CPNE8: variants seen among roughly 807,000 people sequenced by gnomAD.
The protein encoded by CPNE8 is copine-8.
In CPNE8, 45 loss-of-function variants were observed where a neutral mutation model predicts 81.5. The observed-to-expected ratio is 0.55, with a 90% CI of 0.44 to 0.71. CPNE8 has a LOEUF of 0.71. Among genes scored for constraint, CPNE8 ranks in the 30% least tolerant of loss-of-function variants. The pLI is 0.00. For synonymous variants in CPNE8, 252 were observed against 226.3 expected, an observed-to-expected ratio of 1.11 and a Z score of -1.02; for missense variants, 594 against 672.1, an observed-to-expected ratio of 0.88 and a Z score of 1.28.
In CPNE8 at chr12:38,653,969, G is replaced by A; in HGVS notation, c.1608C>T (p.Leu536=). ...DVLAEIPEQF[L]SYMRARGIKP... ...TGATTCCTCGGGCTCTCATATAGGA[G>A]AGAAACTGCTCAGGGATCTCAGCTA... is the stretch of plus-strand genomic sequence containing the variant. Residue 536 remains leucine, a synonymous_variant, in exon 20 of 20, where the codon CTC becomes CTT. Coordinates refer to ENST00000331366, the MANE Select transcript of CPNE8 (RefSeq NM_153634.3). 1 of 1,613,754 alleles carries A rather than the reference G, an allele frequency of 6.2e-7. No homozygotes were observed. The highest frequency in any genetic ancestry group is 1.1e-5 in the South Asian group (1 of 91,022).
intron 6 of CPNE8, among the ~76,000 whole-genome samples, chr12:38,790,637 G>A (rs1230111712): frequency 6.6e-6 from 1 of 151,596 alleles, no homozygotes; most frequent in East Asian, 1.9e-4. Context: ...AAATGCTTGA[G>A]GGGATGGATA....
chr12:38,887,695 A>G (rs1393893834), intron 1 of CPNE8, among the ~76,000 whole-genome samples: 1 of 152,206 alleles, frequency 6.6e-6, no homozygotes, highest in Non-Finnish European at 1.5e-5. Flanking sequence ...CAACTGTATC[A>G]GAAGGAATTT....
At chr12:38,826,571 T>C (rs1329628615) in intron 6 of CPNE8, among the ~76,000 whole-genome samples, 1 of 152,180 alleles carries the variant, frequency 6.6e-6, no homozygotes, top group African/African-American at 2.4e-5. Flanking sequence ...ATTCTACCAG[T>C]CTACCCTAGG....
At chr12:38,902,625 C>T (rs1944507380) in intron 1 of CPNE8, among the ~76,000 whole-genome samples, 1 of 152,102 alleles carries the variant, frequency 6.6e-6, no homozygotes, top group South Asian at 2.1e-4. Flanking sequence ...ATCCCCACAA[C>T]CTTTCTACAA....
At chr12:38,704,595 C>T (rs1291254137) in intron 13 of CPNE8, among the ~76,000 whole-genome samples, 2 of 151,764 alleles carry the variant, frequency 1.3e-5, no homozygotes, top group Non-Finnish European at 2.9e-5. Context: ...CTGAACACTT[C>T]CATTAGCCTA....
intron 17 of CPNE8, 139 bp from the exon 18 acceptor site, chr12:38,675,913 A>T: frequency 1.6e-6 from 1 of 635,626 alleles, no homozygotes. Context: ...TGAGGCCAGG[A>T]GTTTGAGAAC....
At chr12:38,766,187 T>A (rs1364123104) in intron 8 of CPNE8, among the ~76,000 whole-genome samples, 1 of 152,134 alleles carries the variant, frequency 6.6e-6, no homozygotes, top group Non-Finnish European at 1.5e-5. Flanking sequence ...GCATAATACA[T>A]TTTTTAATAA....
rs149847743 is a variant in CPNE8, at chr12:38,717,348, T to C, written c.914+6424A>G. Among the ~76,000 whole-genome samples, 828 of 148,650 alleles carry C rather than the reference T, an allele frequency of 5.6e-3. 5 individuals carry two copies. Among genetic ancestry groups the C allele is most frequent in the African/African-American group, 0.02 (810 of 40,562 alleles). ...AAAAACACTTGCACATACATGTTTA[T>C]AGCAGCACAATTTCTAATTATAAAT... On this transcript the variant is annotated intron_variant, in intron 13 of 19. Transcript: ENST00000331366.
intron 10 of CPNE8, among the ~76,000 whole-genome samples, chr12:38,736,185 T>C (rs1273920435): frequency 6.6e-6 from 1 of 151,004 alleles, no homozygotes; most frequent in African/African-American, 2.4e-5. Context: ...TATACATATA[T>C]ATAATAAGTT....
intron 7 of CPNE8, among the ~76,000 whole-genome samples, chr12:38,773,691 A>C (rs1265282344): frequency 6.6e-6 from 1 of 152,190 alleles, no homozygotes; most frequent in African/African-American, 2.4e-5. Flanking sequence ...GTGAATTAAA[A>C]TGATTGCATT....
At chr12:38,748,057 C>G (rs1941274637) in intron 10 of CPNE8, among the ~76,000 whole-genome samples, 1 of 152,108 alleles carries the variant, frequency 6.6e-6, no homozygotes, top group Non-Finnish European at 1.5e-5. Flanking sequence ...GTCGCTCAGG[C>G]TGGAGTGCAA....
upstream of CPNE8, chr12:38,906,756 C>T: frequency 6.7e-6 from 2 of 298,790 alleles, no homozygotes; most frequent in Non-Finnish European, 9.9e-6. Flanking sequence ...CCTGCCTCAC[C>T]CGAGCGCCTG....
At chr12:38,694,262 C>T (rs1348323125) in intron 14 of CPNE8, among the ~76,000 whole-genome samples, 1 of 152,074 alleles carries the variant, frequency 6.6e-6, no homozygotes, top group Non-Finnish European at 1.5e-5. Flanking sequence ...TGAAGGCTTC[C>T]TATAAATAAC....
chr12:38,669,052 A>C (rs1245505993), intron 19 of CPNE8, among the ~76,000 whole-genome samples: 4 of 18,434 alleles, frequency 2.2e-4, no homozygotes. Flanking sequence ...ACTCTGCCTC[A>C]AAAAAAAAAA....
intron 6 of CPNE8, among the ~76,000 whole-genome samples, chr12:38,793,991 G>A (rs1029906811): frequency 3.3e-5 from 5 of 152,028 alleles, no homozygotes; most frequent in Admixed American, 6.6e-5. Context: ...TTTAATAAAA[G>A]GTGGTGGGAA....
chr12:38,716,552 A>G (rs1174760296), intron 13 of CPNE8, among the ~76,000 whole-genome samples: 3 of 152,046 alleles, frequency 2.0e-5, no homozygotes, highest in Non-Finnish European at 4.4e-5. Flanking sequence ...AGAACACCCT[A>G]TTCAATAAAT....
chr12:38,743,752 C>T (rs971892290), intron 10 of CPNE8, among the ~76,000 whole-genome samples: 1 of 151,912 alleles, frequency 6.6e-6, no homozygotes, highest in Non-Finnish European at 1.5e-5. Flanking sequence ...GAACTTCAGG[C>T]TATAAAGTAA....
At chr12:38,848,489 C>CT in intron 4 of CPNE8, 70 bp downstream of exon 4, 1 of 1,472,426 alleles carries the variant, frequency 6.8e-7, no homozygotes, top group Non-Finnish European at 9.0e-7. Context: ...AACCATAGGA[C>CT]CCTGCCTTAC....
At chr12:38,891,813 C>T (rs959172331) in intron 1 of CPNE8, among the ~76,000 whole-genome samples, 1 of 152,206 alleles carries the variant, frequency 6.6e-6, no homozygotes, top group African/African-American at 2.4e-5. Flanking sequence ...TCATAGATGT[C>T]CACATTCATT....
Sources: gnomAD v4.1 joint callset for allele counts (sites outside exome capture counted in the v4.1 genomes callset) on GRCh38, gnomAD v4.1.1 for gene constraint, MANE v1.5 for transcripts, NCBI Gene and HGNC (gene_info 2026-07-23, HGNC 2026-07-21) for gene names.